The following RC3H2 variants were observed in gnomAD, a reference collection of about 807,000 sequenced individuals.
RC3H2 encodes the protein ring finger and CCCH-type domains 2, also known as roquin-2.
Under a neutral mutation model 133.3 loss-of-function variants are expected in RC3H2, and 31 were observed. That is an observed-to-expected ratio of 0.23 (90% confidence interval 0.17 to 0.31). RC3H2 has a LOEUF of 0.31. Among genes scored for constraint, RC3H2 ranks in the 10% least tolerant of loss-of-function variants. The probability of loss-of-function intolerance (pLI) is 1.00; values close to 1 mark genes in which losing one functional copy is unlikely to be tolerated. For missense variants in RC3H2, 1,175 were observed against 1,437.2 expected (o/e 0.82, Z 2.95); for synonymous variants, 517 against 502.2 (o/e 1.03, Z -0.40).
In RC3H2 at chr9:122,859,082, T is replaced by C. The variant is rs1185026279; in HGVS notation, c.1870A>G (p.Thr624Ala). The change falls in exon 12 of 21, where the codon ACG becomes GCG. Residue 624 changes from threonine (T) to alanine (A), a missense_variant. Thr to Ala is a moderately conservative substitution (Grantham distance 58). Transcript: ENST00000357244. ...PQTGYYPPPP[T>A]VPAGVAPCVP... Reference sequence around the variant, plus strand: ...CAGGGAGCCACACCAGCTGGTACCGTTGGAGGTGGTGGATAGTATCCTTGA... The same window carrying C: ...CAGGGAGCCACACCAGCTGGTACCGCTGGAGGTGGTGGATAGTATCCTTGA... 1.3e-6 allele frequency: 2 copies of C among 1,582,642 alleles called. No homozygotes were observed. Among genetic ancestry groups the C allele is most frequent in the Non-Finnish European group, 1.7e-6 (2 of 1,161,814 alleles).
intron 1 of RC3H2, among the ~76,000 whole-genome samples, chr9:122,899,829 T>C (rs1474037379): frequency 2.0e-5 from 3 of 152,238 alleles, no homozygotes; most frequent in Non-Finnish European, 4.4e-5. Flanking sequence ...GGACACTGCG[T>C]GTAGTTTTTC....
At chr9:122,860,181 T>A (rs372131836) in intron 10 of RC3H2, 50 bp from the exon 11 acceptor site, 1 of 1,337,314 alleles carries the variant, frequency 7.5e-7, no homozygotes, top group Middle Eastern at 1.9e-4. Flanking sequence ...TGTCTATGAC[T>A]GTCCTCCTTA....
At chr9:122,866,542 T>C (rs981161393) in intron 9 of RC3H2, among the ~76,000 whole-genome samples, 4 of 152,004 alleles carry the variant, frequency 2.6e-5, no homozygotes, top group African/African-American at 4.8e-5. Flanking sequence ...GTGCCTGCGA[T>C]TGCAGGCGCG....
Position 122,853,897 on chromosome 9 carries a change from C to G in RC3H2, c.3117+55G>C, listed in dbSNP as rs779393329. 2.5e-6 allele frequency: 4 copies of G among 1,614,150 alleles called. No homozygotes were observed. In the East Asian group the frequency reaches 8.9e-5, roughly 36 times the overall value. On this transcript the variant is annotated intron_variant, in intron 18 of 20. Transcript: ENST00000357244. ...ACTCAGTAATGGTATAACCAAGATGCAGCAGCAGAAAACAAATACATTAAG... is the reference window on the plus strand; with the variant it reads ...ACTCAGTAATGGTATAACCAAGATGGAGCAGCAGAAAACAAATACATTAAG...
At position 122,879,793 on chromosome 9, in the gene RC3H2, T is replaced by C; in HGVS notation, c.1174A>G (p.Ile392Val). The C allele has an allele frequency of 1.2e-6, 2 of 1,613,670 alleles. No individual in the cohort carries two copies. Among genetic ancestry groups the C allele is most frequent in the South Asian group, 1.1e-5 (1 of 91,026 alleles). ...KTVVHGLVDFIQNYSRKGHET... is the reference protein window; with the variant it reads ...KTVVHGLVDFVQNYSRKGHET... ...TGGCCTTTTCTACTATAATTTTGTATGAAGTCCACAAGGCCATGAACTACT... is the reference window on the plus strand; with the variant it reads ...TGGCCTTTTCTACTATAATTTTGTACGAAGTCCACAAGGCCATGAACTACT... Residue 392 changes from isoleucine to valine, a missense_variant, in exon 8 of 21, where the codon ATA (isoleucine) becomes GTA (valine). Physicochemically the swap from Ile to Val is conservative, Grantham distance 29. Transcript: ENST00000357244.
intron 8 of RC3H2, 90 bp downstream of exon 8, chr9:122,879,665 G>A: frequency 1.2e-6 from 1 of 830,018 alleles, no homozygotes; most frequent in Admixed American, 2.3e-5. Flanking sequence ...GTCACATACG[G>A]AGTCCAATTA....
At chr9:122,855,138 A>G (rs1459364387) in intron 15 of RC3H2, 46 bp downstream of exon 15, 14 of 1,311,388 alleles carry the variant, frequency 1.1e-5, no homozygotes, top group African/African-American at 1.5e-5. Flanking sequence ...AAAAAAAGGC[A>G]TAGTGCTTAG....
At position 122,849,839 on chromosome 9, in the gene RC3H2, G is replaced by T. The variant is rs373856957; in HGVS notation, c.3381-17C>A. 3 of 1,539,316 alleles carry T rather than the reference G, an allele frequency of 1.9e-6. No homozygotes were observed. The East Asian group carries it at 7.2e-5, about 37-fold the overall frequency. On this transcript the variant is annotated splice_polypyrimidine_tract_variant and intron_variant, in intron 20 of 20. Transcript: ENST00000357244. ...TGCTCCTCCCTGAGAAAAAAGAAAT[G>T]ACATTAAAAACAAATTAGCTTTAAG... is the stretch of plus-strand genomic sequence containing the variant.
At chr9:122,872,055 G>C (rs1284621783) in intron 9 of RC3H2, among the ~76,000 whole-genome samples, 2 of 152,072 alleles carry the variant, frequency 1.3e-5, no homozygotes, top group Non-Finnish European at 2.9e-5. Flanking sequence ...TGGAATTACA[G>C]GCGTGAGCCA....
intron 8 of RC3H2, among the ~76,000 whole-genome samples, chr9:122,879,287 G>A (rs1456356138): frequency 1.3e-5 from 2 of 151,736 alleles, no homozygotes; most frequent in African/African-American, 4.8e-5. Flanking sequence ...CCAGTTACTT[G>A]GGAGGCTGAG....
intron 1 of RC3H2, among the ~76,000 whole-genome samples, chr9:122,900,304 T>C (rs550172949): frequency 7.2e-5 from 11 of 152,292 alleles, no homozygotes; most frequent in African/African-American, 1.9e-4. Flanking sequence ...AGAGTCTAGC[T>C]TTCTGACAGT....
chr9:122,898,732 A>T (rs1202334605), intron 1 of RC3H2, among the ~76,000 whole-genome samples: 2 of 143,716 alleles, frequency 1.4e-5, no homozygotes, highest in Non-Finnish European at 3.0e-5. Flanking sequence ...CTGGACAAAA[A>T]GAGCGAAACT....
chr9:122,871,516 G>GGA (rs1564298988), intron 9 of RC3H2, among the ~76,000 whole-genome samples: 2 of 150,490 alleles, frequency 1.3e-5, no homozygotes, highest in African/African-American at 4.9e-5. Flanking sequence ...TGGGGGGGGG[G>GGA]GTTTCATCGT....
intron 10 of RC3H2, among the ~76,000 whole-genome samples, chr9:122,861,338 A>C (rs1398110753): frequency 6.6e-6 from 1 of 151,904 alleles, no homozygotes; most frequent in African/African-American, 2.4e-5. Context: ...TAAAAATACA[A>C]AATTAGCCGG....
At chr9:122,892,113 ATT>A (rs1247686377) in intron 3 of RC3H2, among the ~76,000 whole-genome samples, 22 of 144,688 alleles carry the variant, frequency 1.5e-4, no homozygotes, top group East Asian at 2.0e-4. Context: ...ACTCTGGTAA[ATT>A]TTTTTTTTTT....
At chr9:122,884,830 C>T (rs1416580394) in intron 4 of RC3H2, among the ~76,000 whole-genome samples, 1 of 147,168 alleles carries the variant, frequency 6.8e-6, no homozygotes, top group Non-Finnish European at 1.5e-5. Context: ...TCCAGCCTGG[C>T]GACATAGCGA....
intron 9 of RC3H2, among the ~76,000 whole-genome samples, chr9:122,869,439 TTAACA>T (rs768467264): frequency 1.3e-5 from 2 of 152,106 alleles, no homozygotes. Context: ...CTCCTTCTCT[TTAACA>T]TGTACACATT....
chr9:122,874,965 G>A, intron 9 of RC3H2: 2 of 489,638 alleles, frequency 4.1e-6, no homozygotes, highest in Non-Finnish European at 7.1e-6. Context: ...CACTAATTGA[G>A]GGTGGAATGG....
intron 12 of RC3H2, 86 bp downstream of exon 12, chr9:122,858,583 G>C (rs1458145055): frequency 9.1e-7 from 1 of 1,095,120 alleles, no homozygotes; most frequent in Non-Finnish European, 1.3e-6. Context: ...CAATTAGTAA[G>C]TGGAGGAGCC....
Sources: allele counts gnomAD v4.1 joint callset (sites outside exome capture counted in the v4.1 genomes callset), GRCh38; gene constraint gnomAD v4.1.1; transcripts MANE v1.5; gene names NCBI Gene and HGNC (gene_info 2026-07-23, HGNC 2026-07-21).